ZNF469: variants seen among roughly 807,000 people sequenced by gnomAD.
ZNF469 encodes zinc finger protein 469.
Under a neutral mutation model 1.0 loss-of-function variants are expected in ZNF469, and 1 was observed. That is an observed-to-expected ratio of 1.00 (90% CI 0.35 to 4.73). The LOEUF (loss-of-function observed/expected upper bound fraction) is 4.73. Ranked by LOEUF, ZNF469 falls within the 30% of genes most tolerant of loss-of-function variation. The pLI is 0.16. For missense variants in ZNF469, 6,100 were observed against 5,356.3 expected, an observed-to-expected ratio of 1.14 and a Z score of -4.33; for synonymous variants, 2,703 against 2,363.4, an observed-to-expected ratio of 1.14 and a Z score of -4.17.
At chr16:88,380,999 C>A (rs1377052554), upstream of ZNF469, among the ~76,000 whole-genome samples, 2 of 146,958 alleles carry the variant, frequency 1.4e-5, no homozygotes, top group African/African-American at 2.5e-5. Flanking sequence ...CACAGACATG[C>A]ACTCACACAC....
At chr16:88,170,934 C>T in the ZNF469 span, among the ~76,000 whole-genome samples, 1 of 152,196 alleles carries the variant, frequency 6.6e-6, no homozygotes, top group Non-Finnish European at 1.5e-5. The surrounding 1 kb of genome is among the most constrained non-coding windows in gnomAD (Gnocchi z 4.2). Flanking sequence ...GGACAGCAGA[C>T]TTCCCCGGGC....
the ZNF469 span, among the ~76,000 whole-genome samples, chr16:88,361,087 G>A: frequency 6.6e-6 from 1 of 152,206 alleles, no homozygotes; most frequent in African/African-American, 2.4e-5. Flanking sequence ...CCTATCTAGT[G>A]GTTATGGGAG....
upstream of ZNF469, among the ~76,000 whole-genome samples, chr16:88,382,223 GGCCAGGGGGCTCTGCCTGGA>G (rs2142258595): frequency 6.6e-6 from 1 of 152,316 alleles, no homozygotes; most frequent in African/African-American, 2.4e-5. Context: ...GCACGTACTG[GGCCAGGGGGCTCTGCCTGGA>G]GCCATCTCCG....
chr16:88,298,222 A>G, the ZNF469 span, among the ~76,000 whole-genome samples: 1 of 152,054 alleles, frequency 6.6e-6, no homozygotes, highest in Non-Finnish European at 1.5e-5. Context: ...GGCTTTGGAG[A>G]AGGGGCCTCT....
the ZNF469 span, among the ~76,000 whole-genome samples, chr16:88,143,094 C>T: frequency 1.3e-5 from 2 of 152,140 alleles, no homozygotes; most frequent in Non-Finnish European, 2.9e-5. Context: ...CACCGACACC[C>T]GGTGAGCACT....
chr16:88,361,993 G>C, the ZNF469 span, among the ~76,000 whole-genome samples: 2 of 152,192 alleles, frequency 1.3e-5, no homozygotes, highest in African/African-American at 4.8e-5. Flanking sequence ...TGAATTGTCA[G>C]TTCTGCTCAT....
the ZNF469 span, among the ~76,000 whole-genome samples, chr16:88,328,869 C>T: frequency 1.3e-5 from 2 of 152,208 alleles, no homozygotes; most frequent in South Asian, 4.2e-4. Flanking sequence ...GGGGGAGACG[C>T]AGTTTGGCCA....
the ZNF469 span, among the ~76,000 whole-genome samples, chr16:88,329,081 G>T: frequency 6.6e-6 from 1 of 152,130 alleles, no homozygotes; most frequent in Non-Finnish European, 1.5e-5. Context: ...TCCTGTATCC[G>T]ACCCATGATG....
chr16:88,167,062 TTTTTTTTTTTTTTTTC>T, the ZNF469 span, among the ~76,000 whole-genome samples: 2 of 136,718 alleles, frequency 1.5e-5, no homozygotes, highest in African/African-American at 5.6e-5. Context: ...TCTTTTTTTT[TTTTTTTTTTTTTTTTC>T]TAAGAGGGAA....
the ZNF469 span, among the ~76,000 whole-genome samples, chr16:88,142,321 G>A: frequency 8.5e-5 from 13 of 152,360 alleles, no homozygotes; most frequent in Non-Finnish European, 1.3e-4. Context: ...TAGGTCAGGC[G>A]AAGGCACCTG....
the ZNF469 span, among the ~76,000 whole-genome samples, chr16:88,217,187 C>G: frequency 2.0e-5 from 3 of 152,004 alleles, no homozygotes; most frequent in Non-Finnish European, 2.9e-5. Context: ...CGTGGAGGCT[C>G]CAGCTGATGC....
At chr16:88,394,532 G>A (rs752377702) in intron 1 of ZNF469, among the ~76,000 whole-genome samples, 3 of 152,244 alleles carry the variant, frequency 2.0e-5, no homozygotes, top group Non-Finnish European at 4.4e-5. Context: ...CGTATCATGA[G>A]CACAAGAGGT....
At chr16:88,426,079 C>T (rs117419314) in intron 2 of ZNF469, among the ~76,000 whole-genome samples, 4,901 of 152,332 alleles carry the variant, frequency 0.032, 116 homozygotes, top group East Asian at 0.084. Flanking sequence ...GCGGGAACTC[C>T]GGGAGGGGCA....
At chr16:88,188,381 C>T in the ZNF469 span, among the ~76,000 whole-genome samples, 3 of 151,510 alleles carry the variant, frequency 2.0e-5, no homozygotes, top group African/African-American at 7.3e-5. Context: ...GGGTGTCGTA[C>T]TGTCATCCTG....
Position 88,436,608 on chromosome 16 carries a change from T to C in ZNF469, c.9138T>C (p.Phe3046=). The C allele has an allele frequency of 6.5e-7, 1 of 1,550,346 alleles. No individual in the cohort carries two copies. Among genetic ancestry groups the C allele is most frequent in the Non-Finnish European group, 8.7e-7 (1 of 1,146,972 alleles). ...THLLPLRATD[F]EVLSTKFEMQ... is the part of the protein sequence containing the mutation. ...TGCTGCCGCTCCGTGCCACGGACTT[T>C]GAGGTGCTCAGCACCAAGTTTGAGA... is the stretch of plus-strand genomic sequence containing the variant. The change falls in exon 3 of 3, where the codon TTT becomes TTC. Residue 3046 remains phenylalanine (F), a synonymous_variant. Coordinates refer to ENST00000565624, the MANE Select transcript of ZNF469 (RefSeq NM_001367624.2).
chr16:88,260,119 A>C, the ZNF469 span, among the ~76,000 whole-genome samples: 2 of 150,390 alleles, frequency 1.3e-5, no homozygotes, highest in Non-Finnish European at 3.0e-5. This position sits in a 1 kb window ranked among gnomAD's most constrained non-coding sequence, Gnocchi z 4.1. Context: ...CTGGGATTAC[A>C]GGCGCACACC....
chr16:88,205,807 G>A, the ZNF469 span, among the ~76,000 whole-genome samples: 24 of 152,344 alleles, frequency 1.6e-4, no homozygotes, highest in East Asian at 4.6e-3. The surrounding 1 kb of genome is among the most constrained non-coding windows in gnomAD (Gnocchi z 4.2). Context: ...TGATGTGTGT[G>A]AGGACTCGCA....
chr16:88,368,707 C>T, the ZNF469 span, among the ~76,000 whole-genome samples: 2 of 151,102 alleles, frequency 1.3e-5, no homozygotes, highest in Non-Finnish European at 3.0e-5. Context: ...CCCAGAAGAA[C>T]GTGGTCTGGG....
chr16:88,292,415 C>T, the ZNF469 span, among the ~76,000 whole-genome samples: 16 of 152,290 alleles, frequency 1.1e-4, no homozygotes, highest in Middle Eastern at 3.4e-3. Flanking sequence ...CATCTATAGG[C>T]CTCCACCCTC....
Sources: gnomAD v4.1 joint callset for allele counts (sites outside exome capture counted in the v4.1 genomes callset) on GRCh38, gnomAD v4.1.1 for gene constraint, Gnocchi (gnomAD v3.1) non-coding constraint, MANE v1.5 for transcripts, NCBI Gene and HGNC (gene_info 2026-07-23, HGNC 2026-07-21) for gene names.